KYAT3: variants seen among roughly 807,000 people sequenced by gnomAD.
KYAT3 encodes the protein kynurenine aminotransferase 3.
In KYAT3, 50 loss-of-function variants were observed where a neutral mutation model predicts 59.0. The ratio of observed to expected loss-of-function variants is 0.85; its 90% CI spans 0.68 to 1.07. KYAT3 has a LOEUF of 1.07. Among genes scored for constraint, KYAT3 ranks in the 50% least tolerant of loss-of-function variants. KYAT3 has a pLI of 0.00. For synonymous variants in KYAT3, 148 were observed against 177.0 expected, an observed-to-expected ratio of 0.84 and a Z score of 1.30; for missense variants, 497 against 533.3, an observed-to-expected ratio of 0.93 and a Z score of 0.67.
At chr1:88,957,275 T>C (rs1186329558) in intron 8 of KYAT3, among the ~76,000 whole-genome samples, 3 of 152,224 alleles carry the variant, frequency 2.0e-5, no homozygotes, top group Non-Finnish European at 4.4e-5. Context: ...TAAGATTTGA[T>C]ATAAATAATT....
At chr1:88,936,693 T>G (rs958909343) in intron 13 of KYAT3, among the ~76,000 whole-genome samples, 2 of 119,166 alleles carry the variant, frequency 1.7e-5, no homozygotes, top group Non-Finnish European at 2.0e-5. Flanking sequence ...TTCACACTAC[T>G]CTGCCCCTTG....
At chr1:88,929,481 C>A in the KYAT3 span, among the ~76,000 whole-genome samples, 1 of 152,186 alleles carries the variant, frequency 6.6e-6, no homozygotes, top group Non-Finnish European at 1.5e-5. Context: ...AACGTCTCAA[C>A]TCACCTGGAC....
chr1:88,933,609 A>G (rs1164109266), downstream of KYAT3, among the ~76,000 whole-genome samples: 5 of 152,224 alleles, frequency 3.3e-5, no homozygotes, highest in Non-Finnish European at 5.9e-5. Flanking sequence ...CCACTTCTGA[A>G]GAAGGGAACC....
chr1:88,941,334 G>A lies in KYAT3; in HGVS notation c.1302+1671C>T, dbSNP rs573144346. Among the ~76,000 whole-genome samples, 5 of 152,282 alleles carry A rather than the reference G, an allele frequency of 3.3e-5. No homozygotes were observed. The East Asian group carries it at 9.6e-4, about 29-fold the overall frequency. ...TCTCATTAGGTTTAAAGATGAGTGA[G>A]TTGATAGAGTGTCTTGATCTCAGTA... On this transcript the variant is annotated intron_variant, in intron 13 of 13. Transcript: ENST00000260508.
intron 2 of KYAT3, among the ~76,000 whole-genome samples, chr1:88,973,930 T>G (rs1456502888): frequency 2.0e-5 from 3 of 152,150 alleles, no homozygotes; most frequent in Non-Finnish European, 4.4e-5. Context: ...TCCTAAATGA[T>G]GGGCTGAAGC....
At chr1:88,971,180 CA>C (rs1196238423) in intron 2 of KYAT3, among the ~76,000 whole-genome samples, 3 of 152,156 alleles carry the variant, frequency 2.0e-5, no homozygotes, top group Non-Finnish European at 4.4e-5. Context: ...ATGATTTATA[CA>C]TAAAAAAGTG....
chr1:88,922,865 G>A, the KYAT3 span, among the ~76,000 whole-genome samples: 1 of 152,158 alleles, frequency 6.6e-6, no homozygotes, highest in Non-Finnish European at 1.5e-5. Context: ...TCAGGGATGG[G>A]TCAATAAGAC....
intron 2 of KYAT3, among the ~76,000 whole-genome samples, chr1:88,974,941 T>C (rs1676714907): frequency 6.6e-6 from 1 of 152,164 alleles, no homozygotes; most frequent in African/African-American, 2.4e-5. Context: ...AATAAGGGAA[T>C]AAAGGCCGGC....
intron 8 of KYAT3, among the ~76,000 whole-genome samples, chr1:88,956,700 C>A (rs1675932382): frequency 6.6e-6 from 1 of 152,052 alleles, no homozygotes; most frequent in Non-Finnish European, 1.5e-5. Flanking sequence ...TGTAGCCAGG[C>A]AGAGAAGGGG....
At chr1:88,983,969 C>T (rs1367629804) in intron 2 of KYAT3, 2 of 897,006 alleles carry the variant, frequency 2.2e-6, no homozygotes, top group East Asian at 4.9e-5. Flanking sequence ...CACTACTGCG[C>T]AATCTGGATG....
chr1:88,982,838 C>T lies in KYAT3; in HGVS notation c.99+5414G>A, dbSNP rs746590040. The T allele has an allele frequency of 1.1e-5, 18 of 1,613,860 alleles. No individual in the cohort carries two copies. The highest frequency in any genetic ancestry group is 8.9e-5 in the East Asian group (4 of 44,888). On this transcript the variant is annotated intron_variant, in intron 2 of 13. Transcript: ENST00000260508. The stretch of plus-strand genomic sequence containing the variant: ...ACAACTTGAGTAGAGATCACTTCGG[C>T]TGCTTGAGTAACTGTCTCGACTTCC...
chr1:88,985,837 G>A (rs942987122), intron 2 of KYAT3, among the ~76,000 whole-genome samples: 3 of 152,206 alleles, frequency 2.0e-5, no homozygotes, highest in Non-Finnish European at 4.4e-5. Context: ...AGGAGGCAAA[G>A]AGATATTGGG....
intron 13 of KYAT3, among the ~76,000 whole-genome samples, chr1:88,940,223 C>T (rs1009653899): frequency 6.6e-6 from 1 of 152,054 alleles, no homozygotes; most frequent in Admixed American, 6.5e-5. Flanking sequence ...GCATGTGCCA[C>T]CATACCCACC....
intron 9 of KYAT3, 137 bp from the exon 10 acceptor site, chr1:88,953,289 A>T: frequency 1.6e-6 from 1 of 615,304 alleles, no homozygotes. Flanking sequence ...TCACACCTGT[A>T]ATCCCAGCAC....
intron 2 of KYAT3, among the ~76,000 whole-genome samples, chr1:88,977,477 T>C (rs1300091891): frequency 1.3e-5 from 2 of 152,178 alleles, no homozygotes; most frequent in Non-Finnish European, 2.9e-5. Flanking sequence ...GCTGGGATTA[T>C]AGGCGTGAGC....
the KYAT3 span, among the ~76,000 whole-genome samples, chr1:88,930,231 T>A: frequency 1.3e-5 from 2 of 152,080 alleles, no homozygotes; most frequent in Non-Finnish European, 2.9e-5. Context: ...CAGGAAGAGA[T>A]CTTACTGTGT....
At chr1:88,952,086 T>C (rs545179134) in intron 10 of KYAT3, among the ~76,000 whole-genome samples, 2 of 152,324 alleles carry the variant, frequency 1.3e-5, no homozygotes, top group African/African-American at 4.8e-5. Context: ...GACCCATTTC[T>C]GACTTCTGAG....
intron 2 of KYAT3, chr1:88,983,075 G>A: frequency 2.5e-6 from 4 of 1,612,428 alleles, no homozygotes; most frequent in Non-Finnish European, 3.4e-6. Context: ...GTCATCACGT[G>A]AACTGGAATG....
chr1:88,991,588 C>T (rs1467999574), intron 1 of KYAT3, among the ~76,000 whole-genome samples: 1 of 152,212 alleles, frequency 6.6e-6, no homozygotes, highest in Non-Finnish European at 1.5e-5. Flanking sequence ...GAAGGATGCG[C>T]TTCAAAGCCA....
Sources: allele counts gnomAD v4.1 joint callset (sites outside exome capture counted in the v4.1 genomes callset), GRCh38; gene constraint gnomAD v4.1.1; transcripts MANE v1.5; gene names NCBI Gene and HGNC (gene_info 2026-07-23, HGNC 2026-07-21).